IPCEF1: variants seen among roughly 807,000 people sequenced by gnomAD.
The protein encoded by IPCEF1 is interactor protein for cytohesin exchange factors 1.
A neutral mutation model predicts 50.9 loss-of-function variants in IPCEF1; 31 were observed. The ratio of observed to expected loss-of-function variants is 0.61; its 90% CI spans 0.46 to 0.82. IPCEF1 has a LOEUF of 0.82. Among genes scored for constraint, IPCEF1 ranks in the 40% least tolerant of loss-of-function variants. The pLI is 0.00. For synonymous variants in IPCEF1, 181 were observed against 192.0 expected (o/e 0.94, Z 0.47); for missense variants, 458 against 514.0 (o/e 0.89, Z 1.05).
At chr6:154,322,710 G>A (rs1783415380) in intron 1 of IPCEF1, among the ~76,000 whole-genome samples, 1 of 151,968 alleles carries the variant, frequency 6.6e-6, no homozygotes, top group African/African-American at 2.4e-5. Flanking sequence ...GGTGGTGCAT[G>A]TCTGTAATTC....
rs73567177 is a variant in IPCEF1 at position 154,233,300 on chromosome 6, G to A, written c.247-10057C>T. On this transcript the variant is annotated intron_variant, in intron 5 of 11. Transcript: ENST00000367220. The stretch of plus-strand genomic sequence containing the variant: ...ATCCGACTAGCTGTTTCTGTGTCTC[G>A]GCTCTCCTCTCTTTTCTTTGCATCA... 4.5e-3 allele frequency among the ~76,000 whole-genome samples: 679 copies of A among 152,112 alleles called. 5 individuals are homozygous for A. Among genetic ancestry groups the A allele is most frequent in the African/African-American group, 0.015 (637 of 41,492 alleles).
intron 5 of IPCEF1, among the ~76,000 whole-genome samples, chr6:154,231,271 T>C (rs1350685966): frequency 6.6e-6 from 1 of 152,200 alleles, no homozygotes; most frequent in Non-Finnish European, 1.5e-5. Flanking sequence ...AAAGTTCTAG[T>C]TCTATGGAGA....
intron 11 of IPCEF1, among the ~76,000 whole-genome samples, chr6:154,160,295 C>T (rs1485649960): frequency 1.3e-5 from 2 of 149,950 alleles, no homozygotes; most frequent in Non-Finnish European, 2.9e-5. Context: ...TTCTATGTTG[C>T]CTTTCCCTGA....
At chr6:154,305,269 C>T (rs1260806491) in intron 1 of IPCEF1, among the ~76,000 whole-genome samples, 1 of 152,190 alleles carries the variant, frequency 6.6e-6, no homozygotes, top group East Asian at 1.9e-4. Context: ...TGGTGCATGT[C>T]ATCTGCTTTT....
At chr6:154,213,478 A>AT (rs1271177061) in intron 8 of IPCEF1, 1 of 153,214 alleles carries the variant, frequency 6.5e-6, no homozygotes, top group African/African-American at 2.4e-5. Flanking sequence ...GACACCACCG[A>AT]TTTCATGGTA....
chr6:154,337,637 C>T (rs1584003321), intron 1 of IPCEF1, among the ~76,000 whole-genome samples: 1 of 152,210 alleles, frequency 6.6e-6, no homozygotes, highest in Non-Finnish European at 1.5e-5. Context: ...GATTTGGCCA[C>T]AGTCAAATTT....
intron 1 of IPCEF1, among the ~76,000 whole-genome samples, chr6:154,356,056 C>G (rs1393677209): frequency 6.6e-6 from 1 of 152,198 alleles, no homozygotes; most frequent in African/African-American, 2.4e-5. Flanking sequence ...ATAGAGCCCA[C>G]TGCTGTAGTC....
chr6:154,193,384 G>T (rs1398652622), intron 10 of IPCEF1, among the ~76,000 whole-genome samples: 1 of 152,134 alleles, frequency 6.6e-6, no homozygotes, highest in Non-Finnish European at 1.5e-5. Flanking sequence ...TGAGGTGACA[G>T]ATAAAAGACT....
chr6:154,303,095 T>A (rs1782840072), intron 1 of IPCEF1, among the ~76,000 whole-genome samples: 1 of 146,684 alleles, frequency 6.8e-6, no homozygotes, highest in African/African-American at 2.5e-5. Flanking sequence ...GATAGCACTT[T>A]TTTTTTTTTT....
At chr6:154,323,461 G>GGTATTTACAAATAAACATTTATTTA (rs1562289304) in intron 1 of IPCEF1, among the ~76,000 whole-genome samples, 64 of 148,664 alleles carry the variant, frequency 4.3e-4, no homozygotes, top group African/African-American at 1.5e-3. Context: ...ACATTTCTTT[G>GGTATTTACAAATAAACATTTATTTA]GTATTTACAA....
intron 11 of IPCEF1, among the ~76,000 whole-genome samples, chr6:154,165,754 T>A (rs2128551844): frequency 6.6e-6 from 1 of 152,348 alleles, no homozygotes; most frequent in South Asian, 2.1e-4. Context: ...ACTGCAAAAG[T>A]AATGTGATGT....
At chr6:154,226,750 T>C (rs1380100025) in intron 5 of IPCEF1, among the ~76,000 whole-genome samples, 2 of 152,172 alleles carry the variant, frequency 1.3e-5, no homozygotes, top group Non-Finnish European at 1.5e-5. Context: ...TTAAATACCC[T>C]GCATGGTGTC....
chr6:154,330,614 G>T (rs906065630), intron 1 of IPCEF1, among the ~76,000 whole-genome samples: 2 of 151,974 alleles, frequency 1.3e-5, no homozygotes, highest in African/African-American at 4.8e-5. Flanking sequence ...TGACCTCCAC[G>T]TCTGGCCAGC....
At chr6:154,308,816 A>G (rs1783003092) in intron 1 of IPCEF1, among the ~76,000 whole-genome samples, 1 of 152,218 alleles carries the variant, frequency 6.6e-6, no homozygotes, top group Admixed American at 6.5e-5. Flanking sequence ...TCTTCATAAA[A>G]TGATAATACT....
intron 1 of IPCEF1, among the ~76,000 whole-genome samples, chr6:154,340,381 G>T (rs1783884860): frequency 6.6e-6 from 1 of 151,894 alleles, no homozygotes; most frequent in Non-Finnish European, 1.5e-5. Context: ...CTCCCTAGTA[G>T]CTGGGATTAC....
At chr6:154,188,599 C>G (rs988654270) in intron 10 of IPCEF1, among the ~76,000 whole-genome samples, 1 of 152,076 alleles carries the variant, frequency 6.6e-6, no homozygotes, top group African/African-American at 2.4e-5. Flanking sequence ...AAAAAAAGAA[C>G]AAAGTAGGAA....
intron 3 of IPCEF1, among the ~76,000 whole-genome samples, chr6:154,257,615 C>G (rs1414943709): frequency 6.6e-6 from 1 of 152,220 alleles, no homozygotes; most frequent in Non-Finnish European, 1.5e-5. Flanking sequence ...CCACAAATAA[C>G]AAACAAGTCT....
intron 3 of IPCEF1, among the ~76,000 whole-genome samples, chr6:154,257,617 A>G (rs1781494222): frequency 6.6e-6 from 1 of 152,260 alleles, no homozygotes; most frequent in African/African-American, 2.4e-5. Flanking sequence ...ACAAATAACA[A>G]ACAAGTCTCT....
In IPCEF1 at chr6:154,165,646, G is replaced by A. The variant is rs551185768; in HGVS notation, c.1104+2274C>T. Among the ~76,000 whole-genome samples the A allele has an allele frequency of 3.9e-5, 6 of 152,292 alleles. No homozygotes were observed. The East Asian group carries it at 7.7e-4, about 20-fold the overall frequency. On this transcript the variant is annotated intron_variant, in intron 11 of 11. Coordinates refer to ENST00000367220, the MANE Select transcript of IPCEF1 (RefSeq NM_001130700.2). ...CTGGGTGGGGCAGGCAGCCCTGAGC[G>A]GGCCCCCAATCTTCTCTGCTTCCTG...
Sources: allele counts gnomAD v4.1 joint callset (sites outside exome capture counted in the v4.1 genomes callset), GRCh38; gene constraint gnomAD v4.1.1; transcripts MANE v1.5; gene names NCBI Gene and HGNC (gene_info 2026-07-23, HGNC 2026-07-21).